Variants in MPPED1 observed in about 807,000 individuals in gnomAD.
MPPED1 encodes the protein metallophosphoesterase domain containing 1.
In MPPED1, 16 loss-of-function variants were observed where a neutral mutation model predicts 36.2. That is an observed-to-expected ratio of 0.44 (90% confidence interval 0.30 to 0.67). MPPED1 has a LOEUF of 0.67. MPPED1 is among the 30% of genes least tolerant of loss of function. MPPED1 has a pLI of 0.10. For synonymous variants in MPPED1, 199 were observed against 191.3 expected, an observed-to-expected ratio of 1.04 and a Z score of -0.33; for missense variants, 307 against 453.4, an observed-to-expected ratio of 0.68 and a Z score of 2.93.
chr22:43,496,391 ATGG>A (rs1421100480), intron 4 of MPPED1, among the ~76,000 whole-genome samples: 50 of 2,476 alleles, frequency 0.02, 6 homozygotes, highest in African/African-American at 0.16. Flanking sequence ...GGTGGTGGAG[ATGG>A]TGGTGGTGGA....
chr22:43,461,339 G>C (rs922747852), intron 3 of MPPED1, among the ~76,000 whole-genome samples: 4 of 152,354 alleles, frequency 2.6e-5, no homozygotes, highest in African/African-American at 7.2e-5. Flanking sequence ...TGAGACTGCT[G>C]ATTTTCAGGC....
chr22:43,420,289 GCCACTTAT>G (rs1216786936), intron 1 of MPPED1, among the ~76,000 whole-genome samples: 25 of 152,306 alleles, frequency 1.6e-4, no homozygotes, highest in African/African-American at 5.8e-4. Context: ...AAAGAGTGAG[GCCACTTAT>G]CCAGGCCGCC....
intron 2 of MPPED1, among the ~76,000 whole-genome samples, chr22:43,426,395 G>A (rs1045350385): frequency 1.8e-4 from 27 of 152,146 alleles, no homozygotes; most frequent in African/African-American, 6.0e-4. Flanking sequence ...CAGGGAGGGG[G>A]GAGCTATGAC....
At chr22:43,444,865 T>G (rs921580266) in intron 3 of MPPED1, among the ~76,000 whole-genome samples, 1 of 152,210 alleles carries the variant, frequency 6.6e-6, no homozygotes. Context: ...TCTCATTTTG[T>G]GTCAAAGAGT....
chr22:43,414,509 C>A (rs1165941521), intron 1 of MPPED1, among the ~76,000 whole-genome samples: 10 of 152,144 alleles, frequency 6.6e-5, no homozygotes, highest in Non-Finnish European at 1.2e-4. Flanking sequence ...CAATTTCAGG[C>A]CTGTGAACTG....
chr22:43,475,478 G>A (rs117474439), intron 4 of MPPED1, among the ~76,000 whole-genome samples: 20 of 110 alleles, frequency 0.18, no homozygotes, highest in East Asian at 0.25. Flanking sequence ...TGGTGATGAT[G>A]GTGATGGTGA....
chr22:43,413,156 C>T (rs1928964725), intron 1 of MPPED1, among the ~76,000 whole-genome samples: 1 of 152,224 alleles, frequency 6.6e-6, no homozygotes, highest in African/African-American at 2.4e-5. Context: ...CCTTCCCCCT[C>T]CCCATTTCCC....
Position 43,502,580 on chromosome 22 carries a change from G to A in MPPED1, c.749-64G>A, listed in dbSNP as rs1172349133. ...TCCAGGCTGCAGAAGCTGCTGCTAG[G>A]CGTGGGGCAGTGAGGGGCTGGGACA... On this transcript the variant is annotated intron_variant, in intron 5 of 6. Coordinates refer to ENST00000443721, the MANE Select transcript of MPPED1 (RefSeq NM_001044370.2). This position sits in a 1 kb window ranked among gnomAD's most constrained non-coding sequence, Gnocchi z 5.5. 3.1e-6 allele frequency: 4 copies of A among 1,305,848 alleles called. No individual in the cohort carries two copies. The highest frequency in any genetic ancestry group is 4.4e-6 in the Non-Finnish European group (4 of 905,220). 80.9% of individuals were successfully genotyped at this position (1,305,848 alleles called of 1,614,324 possible).
chr22:43,457,576 T>C (rs1474763636), intron 3 of MPPED1, among the ~76,000 whole-genome samples: 1 of 152,156 alleles, frequency 6.6e-6, no homozygotes, highest in Non-Finnish European at 1.5e-5. Flanking sequence ...ATCTTATATA[T>C]TTTTTGTCCA....
chr22:43,474,675 T>C lies in MPPED1; in HGVS notation c.407-61T>C, dbSNP rs915553663. On this transcript the variant is annotated intron_variant, in intron 3 of 6. Transcript: ENST00000443721. This position sits in a 1 kb window ranked among gnomAD's most constrained non-coding sequence, Gnocchi z 5.2. The stretch of plus-strand genomic sequence containing the variant: ...CTGCCCGCCCCTCTCTCAGCCGTGC[T>C]GTGGCTTCTGGACAAGCTGACGGCT... 6.3e-7 allele frequency: 1 copy of C among 1,587,376 alleles called. No homozygotes were observed. The highest frequency in any genetic ancestry group is 8.6e-7 in the Non-Finnish European group (1 of 1,157,960).
At chr22:43,413,203 G>A (rs1408310937) in intron 1 of MPPED1, among the ~76,000 whole-genome samples, 6 of 152,300 alleles carry the variant, frequency 3.9e-5, no homozygotes, top group Middle Eastern at 6.8e-3. Flanking sequence ...AGCTTGTTAA[G>A]TGGCAAACAA....
Position 43,507,128 on chromosome 22 carries a change from C to T in MPPED1, c.*1512C>T, listed in dbSNP as rs148265901. The T allele has an allele frequency of 6.6e-6, 1 of 152,328 alleles. No individual in the cohort carries two copies. Among genetic ancestry groups the T allele is most frequent in the Non-Finnish European group, 1.5e-5 (1 of 68,034 alleles). 9.4% of individuals were successfully genotyped at this position (152,328 alleles called of 1,614,324 possible). ...AGGCCAGAGGGGTGTGGTAACTTGCCTGGGGGCTCACAGCACAAAAGGAGC... is the reference window on the plus strand; with the variant it reads ...AGGCCAGAGGGGTGTGGTAACTTGCTTGGGGGCTCACAGCACAAAAGGAGC... On this transcript the variant is annotated 3_prime_UTR_variant, in exon 7 of 7. Coordinates refer to ENST00000443721, the MANE Select transcript of MPPED1 (RefSeq NM_001044370.2).
chr22:43,420,408 AT>A (rs5845607), intron 1 of MPPED1, among the ~76,000 whole-genome samples: 10,786 of 141,220 alleles, frequency 0.076, 569 homozygotes, highest in African/African-American at 0.16. Context: ...TCAGATAGAC[AT>A]TTTTTTTTTT....
intron 3 of MPPED1, among the ~76,000 whole-genome samples, chr22:43,471,954 G>A (rs766017895): frequency 6.6e-6 from 1 of 152,206 alleles, no homozygotes; most frequent in Non-Finnish European, 1.5e-5. Flanking sequence ...AGAACCTCGG[G>A]CCAGGGCCAG....
chr22:43,428,817 G>C (rs936257929), intron 2 of MPPED1, among the ~76,000 whole-genome samples: 1 of 151,928 alleles, frequency 6.6e-6, no homozygotes, highest in Non-Finnish European at 1.5e-5. Context: ...CGGTGACTGA[G>C]AAACCCTATG....
chr22:43,425,019 A>G lies in MPPED1; in HGVS notation c.34A>G (p.Lys12Glu). 2 of 1,608,876 alleles carry G rather than the reference A, an allele frequency of 1.2e-6. No homozygotes were observed. Among genetic ancestry groups the G allele is most frequent in the Non-Finnish European group, 1.7e-6 (2 of 1,178,072 alleles). Residue 12 changes from lysine to glutamate, a missense_variant, in exon 2 of 7, where the codon AAG (lysine) becomes GAG (glutamate). By Grantham distance (56) the Lys-to-Glu change is moderately conservative. Coordinates refer to ENST00000443721, the MANE Select transcript of MPPED1 (RefSeq NM_001044370.2). ...WRSRWDASVLKAEALALLPCG... is the reference protein window; with the variant it reads ...WRSRWDASVLEAEALALLPCG... ...CTCTAGGTGGGATGCCAGCGTCCTG[A>G]AGGCGGAGGCCCTGGCCCTCCTCCC... is the stretch of plus-strand genomic sequence containing the variant.
In MPPED1 at chr22:43,491,850, G is replaced by A. The variant is rs367816088; in HGVS notation, c.633-6385G>A. 2.2e-4 allele frequency among the ~76,000 whole-genome samples: 33 copies of A among 150,240 alleles called. No individual in the cohort carries two copies. In the East Asian group the frequency reaches 5.4e-3, roughly 25 times the overall value. ...GGTGGTGGTAATGATTGAGGTGCTG[G>A]TGATGGAGGTGGTGGTGATGGTGAT... On this transcript the variant is annotated intron_variant, in intron 4 of 6. Transcript: ENST00000443721.
chr22:43,471,601 C>T (rs1931379136), intron 3 of MPPED1, among the ~76,000 whole-genome samples: 1 of 152,218 alleles, frequency 6.6e-6, no homozygotes. Flanking sequence ...CAGAAGTGGC[C>T]ATCTTTCCTG....
At chr22:43,425,281 C>T (rs1216721472) in intron 2 of MPPED1, 72 bp downstream of exon 2, 19 of 1,467,674 alleles carry the variant, frequency 1.3e-5, no homozygotes, top group Non-Finnish European at 1.7e-5. Context: ...TCTCGGGTGC[C>T]TCCTGGTTCT....
Sources: allele counts gnomAD v4.1 joint callset (sites outside exome capture counted in the v4.1 genomes callset), GRCh38; gene constraint gnomAD v4.1.1; non-coding constraint Gnocchi (gnomAD v3.1); transcripts MANE v1.5; gene names NCBI Gene and HGNC (gene_info 2026-07-23, HGNC 2026-07-21).